FOXP1: variants seen among roughly 807,000 people sequenced by gnomAD.
The protein encoded by FOXP1 is forkhead box P1.
Under a neutral mutation model 98.2 loss-of-function variants are expected in FOXP1, and 15 were observed. The observed-to-expected ratio is 0.15, with a 90% CI of 0.10 to 0.24. The LOEUF (loss-of-function observed/expected upper bound fraction) is 0.24. Ranked by LOEUF, FOXP1 falls within the 10% of genes least tolerant of loss-of-function variation. The probability of loss-of-function intolerance (pLI) is 1.00; values close to 1 mark genes in which losing one functional copy is unlikely to be tolerated. For synonymous variants in FOXP1, 371 were observed against 314.5 expected (o/e 1.18, Z -1.90); for missense variants, 633 against 848.5 (o/e 0.75, Z 3.15).
intron 5 of FOXP1, among the ~76,000 whole-genome samples, chr3:71,291,067 G>A (rs1175867681): frequency 6.6e-6 from 1 of 152,088 alleles, no homozygotes; most frequent in African/African-American, 2.4e-5. Context: ...CTGACAATGT[G>A]ACCTCCCTTA....
chr3:71,458,895 A>T (rs563773139), intron 3 of FOXP1, among the ~76,000 whole-genome samples: 15 of 152,318 alleles, frequency 9.8e-5, no homozygotes, highest in Admixed American at 9.8e-4. Context: ...GTCACAAAGA[A>T]CCTTGTCCAT....
In FOXP1 at chr3:70,988,092, A is replaced by G. The variant is rs1206701412; in HGVS notation, c.1063-15T>C. ...TCTTTTGCAAGCTGGCAAGAAGAAAATGCTTTGTTATTTCTCTGAATAAAG... is the reference window on the plus strand; with the variant it reads ...TCTTTTGCAAGCTGGCAAGAAGAAAGTGCTTTGTTATTTCTCTGAATAAAG... On this transcript the variant is annotated splice_polypyrimidine_tract_variant and intron_variant, in intron 13 of 20. Transcript: ENST00000649528. The G allele has an allele frequency of 2.5e-6, 4 of 1,612,148 alleles. No individual in the cohort carries two copies. In the African/African-American group the frequency reaches 5.3e-5, roughly 22 times the overall value.
chr3:71,407,389 C>A (rs749167857), intron 3 of FOXP1, among the ~76,000 whole-genome samples: 1 of 152,154 alleles, frequency 6.6e-6, no homozygotes, highest in Non-Finnish European at 1.5e-5. Flanking sequence ...CCTTTCATAA[C>A]CTGTCATCAC....
intron 2 of FOXP1, chr3:71,581,329 T>G: frequency 2.0e-6 from 2 of 985,392 alleles, no homozygotes; most frequent in Non-Finnish European, 2.4e-6. Flanking sequence ...GATCTCCAGA[T>G]TTTCAGATTT....
intron 6 of FOXP1, among the ~76,000 whole-genome samples, chr3:71,113,507 G>A (rs746347539): frequency 6.6e-6 from 1 of 152,120 alleles, no homozygotes; most frequent in Admixed American, 6.5e-5. Flanking sequence ...GAGGTCAGGA[G>A]TTCGAGAACA....
At chr3:71,511,062 G>A (rs945107158) in intron 2 of FOXP1, among the ~76,000 whole-genome samples, 2 of 152,012 alleles carry the variant, frequency 1.3e-5, no homozygotes, top group South Asian at 2.1e-4. Context: ...TCTTTCCTTC[G>A]GTGATAATAA....
At chr3:71,055,676 G>A (rs2050524684) in intron 7 of FOXP1, among the ~76,000 whole-genome samples, 4 of 152,072 alleles carry the variant, frequency 2.6e-5, no homozygotes, top group Admixed American at 6.6e-5. Context: ...GAAACTTTTC[G>A]GATTTTTAAG....
intron 3 of FOXP1, among the ~76,000 whole-genome samples, chr3:71,477,863 G>A (rs1344206686): frequency 6.6e-6 from 1 of 152,198 alleles, no homozygotes; most frequent in Middle Eastern, 3.2e-3. Flanking sequence ...TTCCTAAAAT[G>A]ATTAAAGTAA....
chr3:71,523,516 TG>T (rs1351915950), intron 2 of FOXP1, among the ~76,000 whole-genome samples: 4 of 152,240 alleles, frequency 2.6e-5, no homozygotes, highest in African/African-American at 9.6e-5. Context: ...GCCAATATAT[TG>T]TTTTGAATAA....
At chr3:70,988,257 T>C (rs1051977623) in intron 13 of FOXP1, among the ~76,000 whole-genome samples, 180 bp from the exon 14 acceptor site, 2 of 152,220 alleles carry the variant, frequency 1.3e-5, no homozygotes, top group African/African-American at 4.8e-5. Flanking sequence ...GAGGTGTTGG[T>C]GTGAGATTTC....
At chr3:71,423,390 A>G (rs891115789) in intron 3 of FOXP1, among the ~76,000 whole-genome samples, 1 of 152,178 alleles carries the variant, frequency 6.6e-6, no homozygotes, top group African/African-American at 2.4e-5. Context: ...CAGGCCCTGA[A>G]GCGGTGTTCC....
At chr3:71,052,346 T>C (rs2050011530) in intron 9 of FOXP1, among the ~76,000 whole-genome samples, 191 bp downstream of exon 9, 1 of 152,030 alleles carries the variant, frequency 6.6e-6, no homozygotes, top group Admixed American at 6.6e-5. Context: ...TGTTATAAAA[T>C]ATGTGGCAGC....
chr3:71,005,275 G>A (rs2042620562), intron 12 of FOXP1, among the ~76,000 whole-genome samples: 1 of 71,938 alleles, frequency 1.4e-5, no homozygotes, highest in African/African-American at 5.3e-5. Context: ...TCTGTGAATA[G>A]AAACTGAATC....
chr3:71,045,597 A>G (rs541819921), intron 10 of FOXP1, among the ~76,000 whole-genome samples: 23 of 152,276 alleles, frequency 1.5e-4, no homozygotes, highest in Admixed American at 1.2e-3. Flanking sequence ...GACATCTTCT[A>G]TTTTGACAAT....
intron 6 of FOXP1, among the ~76,000 whole-genome samples, chr3:71,166,831 CTCTG>C (rs2061421054): frequency 6.6e-6 from 1 of 151,842 alleles, no homozygotes; most frequent in Admixed American, 6.6e-5. Flanking sequence ...ATTTTATTTT[CTCTG>C]TGTGTGTGTC....
intron 13 of FOXP1, among the ~76,000 whole-genome samples, chr3:70,995,416 T>G (rs913870799): frequency 1.3e-5 from 2 of 152,324 alleles, no homozygotes; most frequent in Admixed American, 1.3e-4. Flanking sequence ...ATACTGATTA[T>G]GGGAACTTTG....
intron 4 of FOXP1, among the ~76,000 whole-genome samples, chr3:71,351,790 G>A (rs1326886558): frequency 6.6e-6 from 1 of 152,202 alleles, no homozygotes; most frequent in East Asian, 1.9e-4. Context: ...TAGGTGGTCA[G>A]AGGCTAATAT....
intron 5 of FOXP1, among the ~76,000 whole-genome samples, chr3:71,278,262 T>C (rs2071128842): frequency 6.6e-6 from 1 of 152,146 alleles, no homozygotes; most frequent in Non-Finnish European, 1.5e-5. Context: ...ATTATTCCTG[T>C]TTTTTACAGT....
chr3:71,285,756 A>G (rs2072051883), intron 5 of FOXP1, among the ~76,000 whole-genome samples: 1 of 152,214 alleles, frequency 6.6e-6, no homozygotes. Flanking sequence ...AAAGGAAGGA[A>G]CTGATGTAGT....
Sources: gnomAD v4.1 joint callset for allele counts (sites outside exome capture counted in the v4.1 genomes callset) on GRCh38, gnomAD v4.1.1 for gene constraint, MANE v1.5 for transcripts, NCBI Gene and HGNC (gene_info 2026-07-23, HGNC 2026-07-21) for gene names.